Variants in MTF2 observed in about 807,000 individuals in gnomAD.
The protein encoded by MTF2 is metal response element binding transcription factor 2.
In MTF2, 11 loss-of-function variants were observed where a neutral mutation model predicts 79.5. The observed-to-expected ratio is 0.14, with a 90% CI of 0.09 to 0.23. The LOEUF (loss-of-function observed/expected upper bound fraction) is 0.23. MTF2 is among the 10% of genes least tolerant of loss of function. The pLI, the probability that MTF2 is intolerant of heterozygous loss-of-function variation, is 1.00. For synonymous variants in MTF2, 208 were observed against 232.8 expected, an observed-to-expected ratio of 0.89 and a Z score of 0.97; for missense variants, 486 against 711.2, an observed-to-expected ratio of 0.68 and a Z score of 3.60.
chr1:93,127,137 A>G, intron 9 of MTF2, 95 bp from the exon 10 acceptor site: 1 of 814,332 alleles, frequency 1.2e-6, no homozygotes, highest in Non-Finnish European at 2.1e-6. Context: ...CAATCAGTAC[A>G]CTTTTCCTCT....
chr1:93,103,745 G>GAAGT (rs1370736296), intron 1 of MTF2, among the ~76,000 whole-genome samples: 2 of 152,154 alleles, frequency 1.3e-5, no homozygotes, highest in African/African-American at 4.8e-5. Context: ...AGCAAAGAGG[G>GAAGT]AAGTAATCAG....
intron 1 of MTF2, among the ~76,000 whole-genome samples, chr1:93,088,112 T>C (rs1375647242): frequency 6.6e-6 from 1 of 152,218 alleles, no homozygotes; most frequent in Non-Finnish European, 1.5e-5. Flanking sequence ...TCAGTTCTCT[T>C]ATTTTTTTCT....
chr1:93,126,437 A>T (rs1249204670), intron 9 of MTF2, among the ~76,000 whole-genome samples: 1 of 151,288 alleles, frequency 6.6e-6, no homozygotes, highest in Non-Finnish European at 1.5e-5. Context: ...TAAAGAACAT[A>T]CTGGCTGTAA....
Position 93,136,786 on chromosome 1 carries a change from A to T in MTF2, c.1541A>T (p.Glu514Val). ...PRRALQTQNS[E>V]IVKDDEGKED... The stretch of plus-strand genomic sequence containing the variant: ...AGAGCACTCCAGACTCAGAACTCAG[A>T]AATTGTAAAAGATGATGAAGGCAAA... The change falls in exon 15 of 15, where the codon GAA (glutamate) becomes GTA (valine). Residue 514 changes from glutamate (E) to valine (V), a missense_variant. Around this residue, in one of 4 missense-constraint regions of MTF2, gnomAD observed 209 missense variants for 206.5 expected, o/e 1.01. Transcript: ENST00000370298. The T allele has an allele frequency of 6.2e-7, 1 of 1,614,216 alleles. No homozygotes were observed. Among genetic ancestry groups the T allele is most frequent in the Middle Eastern group, 1.6e-4 (1 of 6,062 alleles).
chr1:93,085,553 C>T (rs1016672887), intron 1 of MTF2, among the ~76,000 whole-genome samples: 8 of 144,748 alleles, frequency 5.5e-5, no homozygotes, highest in Non-Finnish European at 1.1e-4. Flanking sequence ...GTGGCGTGAT[C>T]ATAGCTCACT....
Position 93,119,313 on chromosome 1 carries a change from C to CTTTTT in MTF2, c.729-10_729-6dup. ...CTGATGACTCAGTATAAAACTTTTTCTTTTTTTTTTTTTTCTTAGATTTTA... is the reference window on the plus strand; with the variant it reads ...CTGATGACTCAGTATAAAACTTTTTCTTTTTTTTTTTTTTTTTTTCTTAGATTTTA... On this transcript the variant is annotated intron_variant, in intron 7 of 14. Transcript: ENST00000370298. 1 of 1,295,010 alleles carries CTTTTT rather than the reference C, an allele frequency of 7.7e-7. No homozygotes were observed. Among genetic ancestry groups the CTTTTT allele is most frequent in the Non-Finnish European group, 1.0e-6 (1 of 955,898 alleles). 80.2% of individuals were successfully genotyped at this position (1,295,010 alleles called of 1,614,324 possible). A position where few individuals can be genotyped will look rare whatever the true frequency, so the allele number is the denominator to read the frequency against.
At chr1:93,108,357 G>A (rs1459936173) in intron 1 of MTF2, among the ~76,000 whole-genome samples, 3 of 152,074 alleles carry the variant, frequency 2.0e-5, no homozygotes, top group African/African-American at 7.2e-5. Flanking sequence ...TTCATTGTAA[G>A]ATGTCTCTGC....
At chr1:93,106,877 C>G (rs1655816349) in intron 1 of MTF2, among the ~76,000 whole-genome samples, 1 of 152,144 alleles carries the variant, frequency 6.6e-6, no homozygotes, top group African/African-American at 2.4e-5. Context: ...ACTGTGAAGC[C>G]GTTAAATTGT....
intron 10 of MTF2, among the ~76,000 whole-genome samples, chr1:93,127,886 A>C (rs1656764167): frequency 6.6e-6 from 1 of 151,954 alleles, no homozygotes; most frequent in Admixed American, 6.6e-5. Flanking sequence ...ATGTATCTAC[A>C]TTTCTTAGAA....
chr1:93,125,143 T>A (rs1656641867), intron 9 of MTF2, among the ~76,000 whole-genome samples: 1 of 151,894 alleles, frequency 6.6e-6, no homozygotes, highest in South Asian at 2.1e-4. Flanking sequence ...TTTTAGAAAT[T>A]AGGAAGTTAG....
intron 1 of MTF2, among the ~76,000 whole-genome samples, chr1:93,082,426 G>A (rs1654646881): frequency 6.6e-6 from 1 of 151,946 alleles, no homozygotes; most frequent in Non-Finnish European, 1.5e-5. Flanking sequence ...GACTACAGGT[G>A]CACACCACCA....
At chr1:93,109,935 C>T (rs1311941602) in intron 1 of MTF2, among the ~76,000 whole-genome samples, 2 of 152,192 alleles carry the variant, frequency 1.3e-5, no homozygotes, top group Non-Finnish European at 2.9e-5. Flanking sequence ...TCATGGCCTG[C>T]ATACCTCAAC....
chr1:93,120,514 A>T, intron 8 of MTF2, 35 bp from the exon 9 acceptor site: 2 of 1,529,784 alleles, frequency 1.3e-6, no homozygotes, highest in Non-Finnish European at 8.7e-7. Context: ...AACCAAAAAC[A>T]TTGTTTTGTG....
At chr1:93,101,982 TAAC>T (rs1230143007) in intron 1 of MTF2, among the ~76,000 whole-genome samples, 2 of 152,144 alleles carry the variant, frequency 1.3e-5, no homozygotes, top group Non-Finnish European at 2.9e-5. Flanking sequence ...GCCCGTTGTA[TAAC>T]AACTACCTCT....
At chr1:93,112,293 T>C (rs150915460) in intron 3 of MTF2, among the ~76,000 whole-genome samples, 6 of 152,312 alleles carry the variant, frequency 3.9e-5, no homozygotes, top group African/African-American at 1.4e-4. Context: ...GAGGAGTGGG[T>C]TTAGTAGTTT....
At chr1:93,100,261 A>G (rs929624613) in intron 1 of MTF2, among the ~76,000 whole-genome samples, 3 of 152,008 alleles carry the variant, frequency 2.0e-5, no homozygotes, top group African/African-American at 4.8e-5. Context: ...ACTATTTGCT[A>G]TTTTTATAAA....
chr1:93,084,015 G>T (rs1654727552), intron 1 of MTF2, among the ~76,000 whole-genome samples: 1 of 151,638 alleles, frequency 6.6e-6, no homozygotes, highest in South Asian at 2.1e-4. Flanking sequence ...TTTCCTGATG[G>T]TGTCCTTTTA....
chr1:93,083,305 C>G (rs1654690287), intron 1 of MTF2, among the ~76,000 whole-genome samples: 1 of 152,178 alleles, frequency 6.6e-6, no homozygotes, highest in South Asian at 2.1e-4. Context: ...TTGGGGGTTA[C>G]AATTTGACGG....
chr1:93,079,592 GA>G (rs1654509747), intron 1 of MTF2, 61 bp downstream of exon 1: 1 of 1,575,004 alleles, frequency 6.3e-7, no homozygotes, highest in Non-Finnish European at 8.7e-7. Flanking sequence ...GGGGAAGGAG[GA>G]AGAAAGGAAG....
Sources: gnomAD v4.1 joint callset for allele counts (sites outside exome capture counted in the v4.1 genomes callset) on GRCh38, gnomAD v4.1.1 for gene constraint, gnomAD v4.1.1 regional missense constraint, MANE v1.5 for transcripts, NCBI Gene and HGNC (gene_info 2026-07-23, HGNC 2026-07-21) for gene names.